Variants in CROCC2 observed in about 807,000 individuals in gnomAD.
CROCC2 encodes ciliary rootlet coiled-coil protein 2.
In CROCC2, 163 loss-of-function variants were observed where a neutral mutation model predicts 177.6. The observed-to-expected ratio is 0.92, with a 90% confidence interval of 0.81 to 1.05. CROCC2 has a LOEUF of 1.05. CROCC2 is among the 50% of genes least tolerant of loss of function. The probability of loss-of-function intolerance (pLI) is 0.00; values close to 1 mark genes in which losing one functional copy is unlikely to be tolerated. For synonymous variants in CROCC2, 904 were observed against 787.3 expected (o/e 1.15, Z -2.48); for missense variants, 1,929 against 1,797.8 (o/e 1.07, Z -1.32).
intron 30 of CROCC2, among the ~76,000 whole-genome samples, chr2:240,990,815 C>G (rs1574803409): frequency 6.6e-6 from 1 of 152,176 alleles, no homozygotes; most frequent in South Asian, 2.1e-4. Context: ...AACTCCTGAC[C>G]TCAGGTGATC....
intron 4 of CROCC2, among the ~76,000 whole-genome samples, chr2:240,922,908 G>C (rs1042481437): frequency 6.6e-6 from 1 of 152,140 alleles, no homozygotes; most frequent in Admixed American, 6.5e-5. Flanking sequence ...GCTGTGGGGA[G>C]ACCCCAGGCC....
intron 30 of CROCC2, among the ~76,000 whole-genome samples, chr2:240,990,686 G>A (rs769573660): frequency 2.6e-5 from 4 of 152,144 alleles, no homozygotes; most frequent in Non-Finnish European, 4.4e-5. Flanking sequence ...GGGTTCAAGC[G>A]ATTCTCCTGC....
chr2:240,975,751 C>CA (rs2059757392), intron 27 of CROCC2, among the ~76,000 whole-genome samples: 1 of 103,488 alleles, frequency 9.7e-6, no homozygotes, highest in South Asian at 3.5e-4. Context: ...TTTTTTGAGA[C>CA]AGAGTTTTGC....
chr2:240,941,986 G>A (rs74501516), intron 14 of CROCC2, among the ~76,000 whole-genome samples: 6,918 of 152,252 alleles, frequency 0.045, 486 homozygotes, highest in African/African-American at 0.15. Context: ...CTTCTCATCC[G>A]GAAAATGCAG....
Position 240,968,180 on chromosome 2 carries a change from T to TG in CROCC2, c.4320dup (p.Gln1441AlafsTer38), listed in dbSNP as rs1298478685. On this transcript the variant is annotated frameshift_variant, in exon 27 of 32. Transcript: ENST00000690015. LOFTEE classifies it high-confidence loss of function. ...AGCAGCGCCCGGGCAGCACGTGCCC[T>TG]GCAGAAGGAGGCGCTCCGCAGGCTG... 1.4e-5 allele frequency: 22 copies of TG among 1,531,738 alleles called. No individual in the cohort carries two copies. The African/African-American group carries it at 2.6e-4, about 18-fold the overall frequency. The allele number at this position is 1,531,738 out of a possible 1,614,324, so 94.9% of individuals were successfully genotyped here. A position where few individuals can be genotyped will look rare whatever the true frequency, so the allele number is the denominator to read the frequency against.
At chr2:240,948,631 C>T (rs2059536378) in intron 15 of CROCC2, among the ~76,000 whole-genome samples, 1 of 152,214 alleles carries the variant, frequency 6.6e-6, no homozygotes, top group Non-Finnish European at 1.5e-5. Flanking sequence ...CAGGAATGGG[C>T]ACTGCTGTGT....
intron 30 of CROCC2, among the ~76,000 whole-genome samples, chr2:240,990,122 T>C (rs1218235291): frequency 6.6e-6 from 1 of 152,270 alleles, no homozygotes; most frequent in African/African-American, 2.4e-5. Context: ...GGACAGCTCC[T>C]GTCAGGGGTC....
At chr2:240,966,152 G>T in intron 24 of CROCC2, 73 bp from the exon 25 acceptor site, 1 of 1,247,340 alleles carries the variant, frequency 8.0e-7, no homozygotes, top group Non-Finnish European at 1.0e-6. Flanking sequence ...TGGGGCAGCA[G>T]AGAGGAAAGG....
chr2:240,950,712 C>T (rs566424287), intron 18 of CROCC2: 5 of 550,488 alleles, frequency 9.1e-6, no homozygotes, highest in South Asian at 5.2e-5. Flanking sequence ...TTCATTCACC[C>T]ATCCATCCAC....
rs192930293 is a variant in CROCC2 at position 240,940,354 on chromosome 2, T to C, written c.2169+4766T>C. On this transcript the variant is annotated intron_variant, in intron 14 of 31. Coordinates refer to ENST00000690015, the MANE Select transcript of CROCC2 (RefSeq NM_001351305.2). Reference sequence around the variant, plus strand: ...CTCTTATCTCTAGCAATACTCTTTTTTGATATCTACTTTTTTGATATCTAC... The same window carrying C: ...CTCTTATCTCTAGCAATACTCTTTTCTGATATCTACTTTTTTGATATCTAC... 2.6e-3 allele frequency among the ~76,000 whole-genome samples: 396 copies of C among 152,252 alleles called. 2 individuals carry two copies. Among genetic ancestry groups the C allele is most frequent in the Non-Finnish European group, 2.9e-3 (196 of 68,006 alleles).
chr2:240,961,774 A>G (rs1434480544), intron 20 of CROCC2, among the ~76,000 whole-genome samples: 2 of 93,248 alleles, frequency 2.1e-5, no homozygotes, highest in African/African-American at 1.0e-4. Flanking sequence ...TCACACACAC[A>G]CACTCATCAC....
At chr2:240,975,307 G>A (rs1311614822) in intron 27 of CROCC2, among the ~76,000 whole-genome samples, 6 of 152,190 alleles carry the variant, frequency 3.9e-5, no homozygotes, top group African/African-American at 1.4e-4. Context: ...CCTCTGTCTG[G>A]CCCCAGAGTC....
rs2059543532 is a variant in CROCC2 at position 240,949,906 on chromosome 2, G to T, written c.2652+204G>T. Among the ~76,000 whole-genome samples, 1 of 152,206 alleles carries T rather than the reference G, an allele frequency of 6.6e-6. No homozygotes were observed. Among genetic ancestry groups the T allele is most frequent in the Non-Finnish European group, 1.5e-5 (1 of 68,036 alleles). ...CGTGGAGCCCTCATATTGGGCTTGG[G>T]TTTGTATTTGGGGCGGGCCTCCCTC... is the stretch of plus-strand genomic sequence containing the variant. On this transcript the variant is annotated intron_variant, in intron 17 of 31. Transcript: ENST00000690015. The surrounding 1 kb of genome is among the most constrained non-coding windows in gnomAD (Gnocchi z 4.5).
In CROCC2 at chr2:240,932,332, C is replaced by T; in HGVS notation, c.962C>T (p.Thr321Ile). The T allele has an allele frequency of 1.4e-6, 1 of 716,464 alleles. No homozygotes were observed. The highest frequency in any genetic ancestry group is 2.6e-6 in the Non-Finnish European group (1 of 384,366). 44.4% of individuals were successfully genotyped at this position (716,464 alleles called of 1,614,324 possible). ...ACTCCTCCCAGACTCTCGGAGCAAACCCTGCTGGTGGAGAAGCTTACAGAG... is the reference window on the plus strand; with the variant it reads ...ACTCCTCCCAGACTCTCGGAGCAAATCCTGCTGGTGGAGAAGCTTACAGAG... ...VALQARLSEQ[T>I]LLVEKLTEQN... Residue 321 changes from threonine to isoleucine, a missense_variant, in exon 8 of 32, where the codon ACC (threonine) becomes ATC (isoleucine). Thr to Ile is a moderately conservative substitution (Grantham distance 89, BLOSUM62 -1). This residue lies in a region of CROCC2 where 1,397 missense variants were observed against 1,239.9 expected (regional missense o/e 1.13). Coordinates refer to ENST00000690015, the MANE Select transcript of CROCC2 (RefSeq NM_001351305.2).
chr2:240,935,089 CT>C, intron 13 of CROCC2, 27 bp downstream of exon 13: 3 of 1,327,244 alleles, frequency 2.3e-6, no homozygotes, highest in Non-Finnish European at 2.9e-6. Flanking sequence ...TGGGGCGGGC[CT>C]CGCTGGAACC....
chr2:240,961,079 G>A (rs762448112), intron 20 of CROCC2, among the ~76,000 whole-genome samples: 1 of 152,044 alleles, frequency 6.6e-6, no homozygotes, highest in African/African-American at 2.4e-5. Context: ...GGACGGTTAA[G>A]GGGGACAAGA....
chr2:240,932,270 G>A (rs191635020), intron 7 of CROCC2, 48 bp from the exon 8 acceptor site: 134 of 683,018 alleles, frequency 2.0e-4, no homozygotes, highest in African/African-American at 1.6e-3. Flanking sequence ...TTGGGTGCCC[G>A]TCCTCTGGGC....
intron 13 of CROCC2, 79 bp from the exon 14 acceptor site, chr2:240,935,279 G>T (rs910583323): frequency 1.7e-5 from 22 of 1,281,592 alleles, no homozygotes; most frequent in South Asian, 2.5e-5. Context: ...AGTGCCCCGG[G>T]GCAGGCCTTG....
Position 240,949,319 on chromosome 2 carries a change from G to T in CROCC2, c.2483-214G>T, listed in dbSNP as rs534052886. ...GCACCTGGTGCCAGCCTGAGGCTTA[G>T]AACTGGGCTCTGGCCACAGGGTCAG... On this transcript the variant is annotated intron_variant, in intron 16 of 31. Transcript: ENST00000690015. This position sits in a 1 kb window ranked among gnomAD's most constrained non-coding sequence, Gnocchi z 4.5. The T allele has an allele frequency of 4.6e-6, 3 of 658,662 alleles. No individual in the cohort carries two copies. In the African/African-American group the frequency reaches 5.9e-5, roughly 13 times the overall value. 40.8% of individuals were successfully genotyped at this position (658,662 alleles called of 1,614,324 possible).
Sources: gnomAD v4.1 joint callset for allele counts (sites outside exome capture counted in the v4.1 genomes callset) on GRCh38, gnomAD v4.1.1 for gene constraint, gnomAD v4.1.1 regional missense constraint, Gnocchi (gnomAD v3.1) non-coding constraint, MANE v1.5 for transcripts, NCBI Gene and HGNC (gene_info 2026-07-23, HGNC 2026-07-21) for gene names.